The following MAP4 variants were observed in gnomAD, a reference collection of about 807,000 sequenced individuals.
The protein encoded by MAP4 is microtubule associated protein 4.
Under a neutral mutation model 170.2 loss-of-function variants are expected in MAP4, and 76 were observed. The ratio of observed to expected loss-of-function variants is 0.45; its 90% CI spans 0.37 to 0.54. The LOEUF is 0.54. MAP4 is among the 20% of genes least tolerant of loss of function. The probability of loss-of-function intolerance (pLI) is 0.00; values close to 1 mark genes in which losing one functional copy is unlikely to be tolerated. For synonymous variants in MAP4, 909 were observed against 994.5 expected (o/e 0.91, Z 1.62); for missense variants, 2,506 against 2,748.0 (o/e 0.91, Z 1.97).
chr3:48,082,426 T>C (rs1320422204), intron 1 of MAP4, among the ~76,000 whole-genome samples: 2 of 152,210 alleles, frequency 1.3e-5, no homozygotes, highest in Non-Finnish European at 1.5e-5. Context: ...TATGACTTGG[T>C]GACTCATTTC....
intron 2 of MAP4, among the ~76,000 whole-genome samples, chr3:47,990,055 G>A (rs764928431): frequency 6.6e-6 from 1 of 152,198 alleles, no homozygotes; most frequent in Non-Finnish European, 1.5e-5. Context: ...GAAGGCATGT[G>A]TGCTGTGAGT....
chr3:47,919,022 C>T (rs1168413685), intron 5 of MAP4, among the ~76,000 whole-genome samples, 181 bp from the exon 6 acceptor site: 2 of 151,978 alleles, frequency 1.3e-5, no homozygotes, highest in African/African-American at 4.8e-5. Flanking sequence ...AGCTCCGCTT[C>T]CCGGGTTCAC....
chr3:47,889,218 C>T (rs1040460227), intron 10 of MAP4, among the ~76,000 whole-genome samples: 1 of 152,268 alleles, frequency 6.6e-6, no homozygotes, highest in African/African-American at 2.4e-5. Flanking sequence ...AGCCTGGCCA[C>T]ATTTCCTGTG....
intron 16 of MAP4, among the ~76,000 whole-genome samples, chr3:47,867,611 C>A (rs894541798): frequency 6.6e-6 from 1 of 152,218 alleles, no homozygotes; most frequent in Non-Finnish European, 1.5e-5. Flanking sequence ...CCTTTGGGGG[C>A]GGGGTTGTGG....
chr3:48,040,712 C>T (rs913091653), intron 1 of MAP4, among the ~76,000 whole-genome samples: 4 of 151,920 alleles, frequency 2.6e-5, no homozygotes, highest in African/African-American at 4.8e-5. Flanking sequence ...TATAGGCATG[C>T]GCCACCACAC....
intron 3 of MAP4, among the ~76,000 whole-genome samples, chr3:47,955,796 A>G (rs2100067485): frequency 6.6e-6 from 1 of 152,180 alleles, no homozygotes; most frequent in Non-Finnish European, 1.5e-5. Context: ...AGAGCAAGAA[A>G]AGATTCTATA....
At chr3:48,086,395 T>C (rs937504458) in intron 1 of MAP4, among the ~76,000 whole-genome samples, 1 of 152,136 alleles carries the variant, frequency 6.6e-6, no homozygotes, top group Non-Finnish European at 1.5e-5. Flanking sequence ...CCAGGGCACT[T>C]TGGGAGGCCA....
intron 1 of MAP4, among the ~76,000 whole-genome samples, chr3:48,037,047 A>G (rs896387391): frequency 6.6e-6 from 1 of 152,220 alleles, no homozygotes; most frequent in African/African-American, 2.4e-5. Flanking sequence ...CTACCCTGTC[A>G]TTGATTCTTA....
rs1187582090 is a variant in MAP4 at position 47,977,461 on chromosome 3, T to C, written c.292+404A>G. On this transcript the variant is annotated intron_variant, in intron 3 of 20. Coordinates refer to ENST00000683076, the MANE Select transcript of MAP4 (RefSeq NM_001385682.1). ...GGCAAAATAAATAACTCCTAATTTG[T>C]TGTTCACTGGCTTCCTAACATTGAA... Among the ~76,000 whole-genome samples, 6 of 152,234 alleles carry C rather than the reference T, an allele frequency of 3.9e-5. No homozygotes were observed. In the East Asian group the frequency reaches 9.6e-4, roughly 24 times the overall value.
rs1451225161 is a variant in MAP4 at position 48,061,870 on chromosome 3, G to A, written c.-20+26903C>T. ...CAGCCCCCGCCCGGCCAGCCACCCCGTCCGGGAGGTGGGGGGCGCCTCCGC... is the reference window on the plus strand; with the variant it reads ...CAGCCCCCGCCCGGCCAGCCACCCCATCCGGGAGGTGGGGGGCGCCTCCGC... On this transcript the variant is annotated intron_variant, in intron 1 of 18. Coordinates refer to the MAP4 transcript ENST00000360240. Among the ~76,000 whole-genome samples, 114 of 145,402 alleles carry A rather than the reference G, an allele frequency of 7.8e-4. 1 individual carries two copies. Among genetic ancestry groups the A allele is most frequent in the African/African-American group, 2.8e-3 (108 of 39,114 alleles).
At chr3:48,051,945 G>A (rs1223180935) in intron 1 of MAP4, among the ~76,000 whole-genome samples, 2 of 152,202 alleles carry the variant, frequency 1.3e-5, no homozygotes, top group Admixed American at 1.3e-4. Flanking sequence ...CTCTTCCAGA[G>A]TTTCTTAACA....
intron 1 of MAP4, among the ~76,000 whole-genome samples, chr3:48,032,732 G>A (rs114087090): frequency 0.038 from 5,811 of 152,018 alleles, 379 homozygotes; most frequent in African/African-American, 0.13. Flanking sequence ...TCTGATCCAC[G>A]ACCTAAAACT....
intron 2 of MAP4, among the ~76,000 whole-genome samples, chr3:47,992,141 G>A (rs553502360): frequency 3.7e-4 from 57 of 152,214 alleles, no homozygotes; most frequent in African/African-American, 1.3e-3. Context: ...TGTTTAGAAT[G>A]TTCTCCAGGA....
intron 17 of MAP4, among the ~76,000 whole-genome samples, chr3:47,857,760 G>A (rs1262546373): frequency 6.6e-6 from 1 of 151,384 alleles, no homozygotes; most frequent in African/African-American, 2.4e-5. Context: ...CCAGGCTGGA[G>A]TACAGTGGTA....
chr3:47,858,106 C>G (rs982664142), intron 17 of MAP4, among the ~76,000 whole-genome samples: 1 of 151,234 alleles, frequency 6.6e-6, no homozygotes, highest in African/African-American at 2.4e-5. Flanking sequence ...CTCCATCTCC[C>G]GGGTTCAAGT....
intron 18 of MAP4, among the ~76,000 whole-genome samples, chr3:47,856,392 G>T (rs1272524410): frequency 6.6e-6 from 1 of 152,102 alleles, no homozygotes; most frequent in Non-Finnish European, 1.5e-5. Flanking sequence ...GAACTGTTTT[G>T]ATCTTTCTAA....
At chr3:48,069,563 C>T (rs2100139976) in intron 1 of MAP4, among the ~76,000 whole-genome samples, 1 of 152,180 alleles carries the variant, frequency 6.6e-6, no homozygotes, top group Non-Finnish European at 1.5e-5. Context: ...TGTTGAAAGG[C>T]ACCCCACCTC....
upstream of MAP4, among the ~76,000 whole-genome samples, chr3:48,018,952 T>C (rs1218146568): frequency 6.6e-6 from 1 of 152,178 alleles, no homozygotes; most frequent in East Asian, 1.9e-4. Context: ...GGTCATCTTA[T>C]CATTATTAGG....
At chr3:47,863,457 C>T (rs1280231400) in intron 17 of MAP4, among the ~76,000 whole-genome samples, 5 of 151,978 alleles carry the variant, frequency 3.3e-5, no homozygotes, top group Admixed American at 6.6e-5. Context: ...CCATGTGCGG[C>T]GCCTCCTTCA....
Sources: gnomAD v4.1 joint callset for allele counts (sites outside exome capture counted in the v4.1 genomes callset) on GRCh38, gnomAD v4.1.1 for gene constraint, MANE v1.5 for transcripts, NCBI Gene and HGNC (gene_info 2026-07-23, HGNC 2026-07-21) for gene names.